The following ROBO2 variants were observed in gnomAD, a reference collection of about 807,000 sequenced individuals.
The protein encoded by ROBO2 is roundabout guidance receptor 2.
A neutral mutation model predicts 160.8 loss-of-function variants in ROBO2; 53 were observed. The observed-to-expected ratio is 0.33, with a 90% confidence interval of 0.26 to 0.41. The LOEUF (loss-of-function observed/expected upper bound fraction) is 0.41. ROBO2 is among the 10% of genes least tolerant of loss of function. The pLI is 1.00. For missense variants in ROBO2, 1,577 were observed against 1,722.4 expected (o/e 0.92, Z 1.49); for synonymous variants, 664 against 611.7 (o/e 1.09, Z -1.26).
intron 2 of ROBO2, among the ~76,000 whole-genome samples, chr3:76,133,698 T>C (rs901436156): frequency 6.6e-6 from 1 of 152,140 alleles, no homozygotes; most frequent in Non-Finnish European, 1.5e-5. Context: ...TGGAGTCTGA[T>C]GTTCGAAGGC....
intron 2 of ROBO2, among the ~76,000 whole-genome samples, chr3:76,265,365 G>A (rs1707035244): frequency 1.3e-5 from 2 of 151,952 alleles, no homozygotes; most frequent in Admixed American, 1.3e-4. Flanking sequence ...TGTTTCTGTT[G>A]AACTGTAGTA....
intron 2 of ROBO2, among the ~76,000 whole-genome samples, chr3:76,101,826 C>T (rs1424846728): frequency 6.9e-6 from 1 of 144,622 alleles, no homozygotes; most frequent in Non-Finnish European, 1.5e-5. Flanking sequence ...CATTATACCC[C>T]GGGGTGTGAT....
Position 76,386,656 on chromosome 3 carries a change from T to A in ROBO2, c.109+449054T>A, listed in dbSNP as rs73840942. ...TCCAAGTATAATTAAGTCTAAATAA[T>A]CACTTAGGACAAAATGCTGGGCTAC... On this transcript the variant is annotated intron_variant, in intron 2 of 26. Transcript: ENST00000487694. 3.9e-3 allele frequency among the ~76,000 whole-genome samples: 599 copies of A among 152,138 alleles called. 6 individuals carry two copies. The highest frequency in any genetic ancestry group is 0.014 in the African/African-American group (563 of 41,520).
chr3:77,407,870 T>A (rs2076380640), intron 2 of ROBO2, among the ~76,000 whole-genome samples: 1 of 152,208 alleles, frequency 6.6e-6, no homozygotes, highest in Admixed American at 6.5e-5. Flanking sequence ...ACAAGACTCA[T>A]TAATATATAG....
At chr3:77,408,164 C>T (rs2076410362) in intron 2 of ROBO2, among the ~76,000 whole-genome samples, 1 of 151,710 alleles carries the variant, frequency 6.6e-6, no homozygotes, top group South Asian at 2.1e-4. Context: ...CTTTGAGGAA[C>T]ATTCTAACTT....
At chr3:76,394,022 C>G (rs1046894336) in intron 2 of ROBO2, among the ~76,000 whole-genome samples, 1 of 152,098 alleles carries the variant, frequency 6.6e-6, no homozygotes, top group Non-Finnish European at 1.5e-5. Context: ...ATGTGTGTCT[C>G]TGCACGTGAG....
intron 2 of ROBO2, among the ~76,000 whole-genome samples, chr3:77,177,919 T>C (rs1218179427): frequency 1.3e-5 from 2 of 152,032 alleles, no homozygotes; most frequent in Non-Finnish European, 1.5e-5. Flanking sequence ...TTCATACTTC[T>C]GCAACTCCTT....
At chr3:75,985,719 A>G (rs1021189126) in intron 2 of ROBO2, among the ~76,000 whole-genome samples, 2 of 151,540 alleles carry the variant, frequency 1.3e-5, no homozygotes, top group Non-Finnish European at 1.5e-5. Flanking sequence ...CCATTAATCA[A>G]TATATATCTC....
intron 2 of ROBO2, among the ~76,000 whole-genome samples, chr3:77,128,057 G>A (rs537692730): frequency 3.3e-5 from 5 of 152,204 alleles, no homozygotes; most frequent in South Asian, 2.1e-4. Flanking sequence ...ATAATTAAAC[G>A]TGATTTATTC....
chr3:77,081,803 C>A (rs1578800405), intron 1 of ROBO2, among the ~76,000 whole-genome samples: 1 of 152,158 alleles, frequency 6.6e-6, no homozygotes, highest in Non-Finnish European at 1.5e-5. Flanking sequence ...TATGGCTGTT[C>A]CTTATTCAGG....
At chr3:77,533,486 A>G (rs2091895231) in intron 6 of ROBO2, among the ~76,000 whole-genome samples, 1 of 152,200 alleles carries the variant, frequency 6.6e-6, no homozygotes, top group African/African-American at 2.4e-5. Flanking sequence ...AGAGGAATCC[A>G]CTTCAAAGTT....
rs188075688 is a variant in ROBO2 at position 76,654,607 on chromosome 3, G to A, written c.110-443407G>A. Among the ~76,000 whole-genome samples the A allele has an allele frequency of 2.3e-3, 355 of 152,050 alleles. 1 individual carries two copies. Among genetic ancestry groups the A allele is most frequent in the African/African-American group, 8.2e-3 (341 of 41,466 alleles). On this transcript the variant is annotated intron_variant, in intron 2 of 26. Coordinates refer to the ROBO2 transcript ENST00000487694. ...ACCTACTGTGTACAAGGCACCATTCGGCATGCTGGGGTAATAGGGACTTTC... is the reference window on the plus strand; with the variant it reads ...ACCTACTGTGTACAAGGCACCATTCAGCATGCTGGGGTAATAGGGACTTTC...
chr3:77,328,619 A>G (rs1414642178), intron 2 of ROBO2, among the ~76,000 whole-genome samples: 1 of 152,200 alleles, frequency 6.6e-6, no homozygotes, highest in Non-Finnish European at 1.5e-5. Context: ...ATAATGGCAT[A>G]TGTTAAAAAT....
At chr3:77,056,234 T>A (rs1216930562) in intron 1 of ROBO2, among the ~76,000 whole-genome samples, 2 of 152,210 alleles carry the variant, frequency 1.3e-5, no homozygotes, top group African/African-American at 4.8e-5. Flanking sequence ...TAGCTAAGAC[T>A]TTCTTTGATG....
chr3:77,033,267 G>A (rs1299622415), intron 2 of ROBO2, among the ~76,000 whole-genome samples: 3 of 152,140 alleles, frequency 2.0e-5, no homozygotes, highest in Admixed American at 2.0e-4. Context: ...AGAGATAATT[G>A]AGTGGAAATG....
intron 2 of ROBO2, among the ~76,000 whole-genome samples, chr3:76,325,762 T>A (rs1347538783): frequency 6.6e-6 from 1 of 151,452 alleles, no homozygotes; most frequent in Admixed American, 6.6e-5. Flanking sequence ...AATAGTCAAG[T>A]ATTCCCTGTG....
intron 2 of ROBO2, among the ~76,000 whole-genome samples, chr3:76,432,396 C>T (rs1333380733): frequency 6.6e-6 from 1 of 152,148 alleles, no homozygotes; most frequent in African/African-American, 2.4e-5. Flanking sequence ...ATTTATCTCA[C>T]ACAATTTGTG....
At chr3:77,594,998 C>T in intron 17 of ROBO2, 144 bp from the exon 19 acceptor site, 2 of 643,200 alleles carry the variant, frequency 3.1e-6, no homozygotes, top group Non-Finnish European at 5.5e-6. Context: ...GCTTGTTACT[C>T]TCTGTACAAT....
intron 2 of ROBO2, among the ~76,000 whole-genome samples, chr3:75,990,923 C>T (rs2065548648): frequency 6.6e-6 from 1 of 152,170 alleles, no homozygotes; most frequent in South Asian, 2.1e-4. Flanking sequence ...GAATGGGCAT[C>T]TTCTAATCCA....
Sources: gnomAD v4.1 joint callset for allele counts (sites outside exome capture counted in the v4.1 genomes callset) on GRCh38, gnomAD v4.1.1 for gene constraint, MANE v1.5 for transcripts, NCBI Gene and HGNC (gene_info 2026-07-23, HGNC 2026-07-21) for gene names.